The following RNF130 variants were observed in gnomAD, a reference collection of about 807,000 sequenced individuals.
RNF130 encodes the protein ring finger protein 130.
A neutral mutation model predicts 44.6 loss-of-function variants in RNF130; 21 were observed. That is an observed-to-expected ratio of 0.47 (90% CI 0.33 to 0.68). The LOEUF (loss-of-function observed/expected upper bound fraction) is 0.68, where lower values mean the gene tolerates loss of function less well. RNF130 is among the 30% of genes least tolerant of loss of function. The pLI is 0.02. For synonymous variants in RNF130, 214 were observed against 210.4 expected (o/e 1.02, Z -0.15); for missense variants, 479 against 560.6 (o/e 0.85, Z 1.47).
At chr5:180,045,760 C>G (rs929337739) in intron 1 of RNF130, among the ~76,000 whole-genome samples, 13 of 152,060 alleles carry the variant, frequency 8.5e-5, no homozygotes, top group Non-Finnish European at 1.5e-4. Context: ...CAGCTAGGCA[C>G]AAAAGTTCTC....
At chr5:179,920,779 T>TATATA (rs1561658045) in intron 7 of RNF130, among the ~76,000 whole-genome samples, 1 of 137,988 alleles carries the variant, frequency 7.2e-6, no homozygotes, top group African/African-American at 3.0e-5. Context: ...GCATATATAT[T>TATATA]TATATATATA....
In RNF130 at chr5:180,008,200, C is replaced by T. The variant is rs143676261; in HGVS notation, c.693+4861G>A. ...CCCACCACCCGACCCCAGAAAAAGCCGAGAAAAGCCCAACTCCGCTAGCCA... is the reference window on the plus strand; with the variant it reads ...CCCACCACCCGACCCCAGAAAAAGCTGAGAAAAGCCCAACTCCGCTAGCCA... On this transcript the variant is annotated intron_variant, in intron 3 of 8. Transcript: ENST00000521389. Among the ~76,000 whole-genome samples the T allele has an allele frequency of 1.4e-3, 206 of 151,962 alleles. 1 individual carries two copies. The highest frequency in any genetic ancestry group is 2.2e-3 in the Non-Finnish European group (150 of 67,978).
At chr5:179,964,214 C>G (rs1294857527) in intron 7 of RNF130, 1 of 152,370 alleles carries the variant, frequency 6.6e-6, no homozygotes, top group Non-Finnish European at 1.5e-5. Context: ...GTGACAAGCA[C>G]AAGTAGGAGG....
chr5:180,046,946 G>C (rs928334641), intron 1 of RNF130, among the ~76,000 whole-genome samples: 3 of 152,158 alleles, frequency 2.0e-5, no homozygotes, highest in Non-Finnish European at 4.4e-5. Context: ...TGAAGGAAAA[G>C]GGGAAAAACA....
intron 7 of RNF130, among the ~76,000 whole-genome samples, chr5:179,944,212 G>T (rs1035473071): frequency 8.6e-5 from 13 of 152,022 alleles, no homozygotes; most frequent in Admixed American, 8.5e-4. Context: ...CTCGTGATCT[G>T]CCTGCCTTGG....
At chr5:180,023,154 A>C (rs1412733348) in intron 2 of RNF130, among the ~76,000 whole-genome samples, 1 of 152,244 alleles carries the variant, frequency 6.6e-6, no homozygotes, top group Non-Finnish European at 1.5e-5. Flanking sequence ...CCATGTGGCA[A>C]TATATTAGAA....
chr5:179,927,276 T>A (rs1443209995), intron 7 of RNF130, among the ~76,000 whole-genome samples: 1 of 152,190 alleles, frequency 6.6e-6, no homozygotes, highest in East Asian at 1.9e-4. Context: ...GCACACATAA[T>A]TTTTGACACC....
chr5:180,069,590 C>T (rs1242747873), intron 1 of RNF130, among the ~76,000 whole-genome samples: 1 of 152,176 alleles, frequency 6.6e-6, no homozygotes, highest in Non-Finnish European at 1.5e-5. Flanking sequence ...CTGAGAGATT[C>T]CTCTAGGTTA....
At chr5:180,012,999 C>A in intron 3 of RNF130, 62 bp downstream of exon 3, 1 of 1,535,066 alleles carries the variant, frequency 6.5e-7, no homozygotes, top group South Asian at 1.3e-5. Flanking sequence ...GATGCATGGT[C>A]ACGACAGATG....
intron 2 of RNF130, among the ~76,000 whole-genome samples, chr5:180,030,542 T>C (rs186379428): frequency 1.5e-3 from 236 of 152,270 alleles, no homozygotes; most frequent in African/African-American, 5.3e-3. Context: ...TGGTGTTTTA[T>C]TTTTGTTTTT....
chr5:180,038,796 T>C (rs963606343), intron 2 of RNF130, among the ~76,000 whole-genome samples: 2 of 152,246 alleles, frequency 1.3e-5, no homozygotes, highest in Non-Finnish European at 2.9e-5. Flanking sequence ...TACTTCTCTG[T>C]GGTTTTGTGT....
chr5:179,933,647 G>A (rs1022822063), intron 7 of RNF130, among the ~76,000 whole-genome samples: 8 of 151,262 alleles, frequency 5.3e-5, no homozygotes, highest in Non-Finnish European at 7.4e-5. Flanking sequence ...TCAGCCTCCC[G>A]AGTAGCTGAG....
chr5:180,034,985 T>C (rs1161548483), intron 2 of RNF130, among the ~76,000 whole-genome samples: 1 of 152,270 alleles, frequency 6.6e-6, no homozygotes, highest in Non-Finnish European at 1.5e-5. Flanking sequence ...TCAATTTTAT[T>C]GATAGTTCCA....
intron 5 of RNF130, 126 bp downstream of exon 5, chr5:179,978,077 C>A: frequency 2.7e-6 from 2 of 745,072 alleles, no homozygotes; most frequent in Non-Finnish European, 4.7e-6. Context: ...CAATGCACAG[C>A]GGACTTGGCC....
rs1582190797 is a variant in RNF130, at chr5:180,015,619, G to GGGAAAGGAGTA, written c.443-2319_443-2309dup. Among the ~76,000 whole-genome samples the GGGAAAGGAGTA allele has an allele frequency of 2.1e-3, 51 of 24,140 alleles. 18 individuals are homozygous for GGGAAAGGAGTA. The highest frequency in any genetic ancestry group is 2.0e-3 in the East Asian group (2 of 990). 15.8% of individuals were successfully genotyped at this position (24,140 alleles called of 152,430 possible). A position where few individuals can be genotyped will look rare whatever the true frequency, so the allele number is the denominator to read the frequency against. On this transcript the variant is annotated intron_variant, in intron 2 of 8. Coordinates refer to ENST00000521389, the MANE Select transcript of RNF130 (RefSeq NM_018434.6). ...AGGGAAAGGAGTAGGGAAAGGAGTA[G>GGGAAAGGAGTA]GGAAAGGAGTAGGGAAAGGAGTAGG...
intron 1 of RNF130, among the ~76,000 whole-genome samples, chr5:180,044,957 C>T (rs1356663491): frequency 6.6e-6 from 1 of 152,158 alleles, no homozygotes; most frequent in Non-Finnish European, 1.5e-5. Context: ...GAGGGCAGGA[C>T]GATGGTCAAG....
At chr5:179,944,295 A>C (rs755748277) in intron 7 of RNF130, among the ~76,000 whole-genome samples, 10 of 152,098 alleles carry the variant, frequency 6.6e-5, no homozygotes, top group Admixed American at 1.3e-4. Flanking sequence ...TTAAGTCCTA[A>C]GTGTTCAGTG....
At chr5:179,920,565 G>T (rs1346003970) in intron 7 of RNF130, 2 of 577,376 alleles carry the variant, frequency 3.5e-6, no homozygotes, top group Non-Finnish European at 6.2e-6. Context: ...TTATTAGAGA[G>T]ATACAAAAAG....
intron 8 of RNF130, among the ~76,000 whole-genome samples, chr5:179,957,660 CAG>C (rs1762239107): frequency 6.6e-6 from 1 of 152,144 alleles, no homozygotes; most frequent in African/African-American, 2.4e-5. Flanking sequence ...GGCATCCCTT[CAG>C]AGTCACTCAA....
Sources: gnomAD v4.1 joint callset for allele counts (sites outside exome capture counted in the v4.1 genomes callset) on GRCh38, gnomAD v4.1.1 for gene constraint, MANE v1.5 for transcripts, NCBI Gene and HGNC (gene_info 2026-07-23, HGNC 2026-07-21) for gene names.